ANKMY2: variants seen among roughly 807,000 people sequenced by gnomAD.
ANKMY2 encodes ankyrin repeat and MYND domain-containing protein 2.
A neutral mutation model predicts 50.4 loss-of-function variants in ANKMY2; 36 were observed. That is an observed-to-expected ratio of 0.71 (90% CI 0.55 to 0.94). The LOEUF (loss-of-function observed/expected upper bound fraction) is 0.94, where lower values mean the gene tolerates loss of function less well. ANKMY2 is among the 40% of genes least tolerant of loss of function. ANKMY2 has a pLI of 0.00. For missense variants in ANKMY2, 565 were observed against 524.0 expected, an observed-to-expected ratio of 1.08 and a Z score of -0.76; for synonymous variants, 187 against 178.8, an observed-to-expected ratio of 1.05 and a Z score of -0.36.
chr7:16,614,236 G>T (rs183870792), intron 5 of ANKMY2, among the ~76,000 whole-genome samples: 5 of 152,334 alleles, frequency 3.3e-5, no homozygotes, highest in Admixed American at 2.6e-4. Flanking sequence ...CTGGGAGGGA[G>T]AGAAACAGTA....
At chr7:16,640,477 C>G (rs1011269148) in intron 1 of ANKMY2, among the ~76,000 whole-genome samples, 1 of 152,160 alleles carries the variant, frequency 6.6e-6, no homozygotes, top group Non-Finnish European at 1.5e-5. Context: ...ATCACACAAC[C>G]ATGAGATTCA....
intron 2 of ANKMY2, among the ~76,000 whole-genome samples, chr7:16,628,684 G>T (rs561664406): frequency 1.3e-5 from 2 of 152,132 alleles, no homozygotes; most frequent in African/African-American, 4.8e-5. Flanking sequence ...TGTAGCCTGA[G>T]GGGTGGTAGG....
intron 8 of ANKMY2, 113 bp from the exon 9 acceptor site, chr7:16,602,622 T>A (rs1781089592): frequency 3.0e-6 from 4 of 1,314,296 alleles, no homozygotes; most frequent in Non-Finnish European, 4.1e-6. Flanking sequence ...TACTTTATTT[T>A]AAAACCATAA....
chr7:16,604,796 C>T lies in ANKMY2; in HGVS notation c.936G>A (p.Val312=), dbSNP rs1322636396. ...SVLTQAITGQ[V]GFVDVEFCTT... ...TGCAAAATTCCACATCCACAAAACC[C>T]ACCTGGCCAGTGATGGCTTGGGTAA... Residue 312 remains valine (V), a synonymous_variant, in exon 8 of 10, where the codon GTG becomes GTA. Coordinates refer to ENST00000306999, the MANE Select transcript of ANKMY2 (RefSeq NM_020319.3). 6.2e-7 allele frequency: 1 copy of T among 1,614,068 alleles called. No homozygotes were observed. The highest frequency in any genetic ancestry group is 2.2e-5 in the East Asian group (1 of 44,866).
At chr7:16,626,651 A>T (rs1439578092) in intron 3 of ANKMY2, among the ~76,000 whole-genome samples, 1 of 152,222 alleles carries the variant, frequency 6.6e-6, no homozygotes, top group Non-Finnish European at 1.5e-5. Context: ...TATTTAGTAC[A>T]TAAGTGCCAG....
chr7:16,615,994 T>C (rs62443197), intron 4 of ANKMY2, 90 bp from the exon 5 acceptor site: 94,883 of 1,253,502 alleles, frequency 0.076, 4,680 homozygotes, highest in Non-Finnish European at 0.086. Flanking sequence ...ATTTTTGTGA[T>C]GTAAACATGC....
chr7:16,621,656 A>C (rs1446999725), intron 4 of ANKMY2, among the ~76,000 whole-genome samples: 1 of 152,066 alleles, frequency 6.6e-6, no homozygotes, highest in Non-Finnish European at 1.5e-5. Flanking sequence ...CGGAAGCTAT[A>C]AAAGAAAAAA....
intron 1 of ANKMY2, among the ~76,000 whole-genome samples, chr7:16,642,997 T>C (rs146259014): frequency 2.0e-5 from 3 of 152,242 alleles, no homozygotes; most frequent in African/African-American, 7.2e-5. Flanking sequence ...CTAAGTTTCC[T>C]AACTTCCCAG....
intron 4 of ANKMY2, among the ~76,000 whole-genome samples, chr7:16,616,786 T>A (rs1781360227): frequency 6.6e-6 from 1 of 152,210 alleles, no homozygotes; most frequent in Non-Finnish European, 1.5e-5. Flanking sequence ...TGGCCCCCGC[T>A]CCCGGAGAGT....
chr7:16,622,284 ACAG>A (rs1344108913), intron 4 of ANKMY2, among the ~76,000 whole-genome samples: 5 of 152,236 alleles, frequency 3.3e-5, no homozygotes, highest in African/African-American at 1.2e-4. Context: ...ATTACCAACA[ACAG>A]AAGTGCTTAA....
chr7:16,612,908 A>G (rs1261434436), intron 5 of ANKMY2, among the ~76,000 whole-genome samples: 1 of 152,258 alleles, frequency 6.6e-6, no homozygotes, highest in Admixed American at 6.5e-5. Flanking sequence ...ATTAAAAACT[A>G]GATAAATTTT....
At chr7:16,617,917 GTTTTTTTT>G (rs780533044) in intron 4 of ANKMY2, among the ~76,000 whole-genome samples, 1 of 110,882 alleles carries the variant, frequency 9.0e-6, no homozygotes, top group African/African-American at 3.5e-5. Context: ...CAGTGAGCGT[GTTTTTTTT>G]TTTTTTTTTT....
chr7:16,637,903 T>C (rs1781689693), intron 1 of ANKMY2, among the ~76,000 whole-genome samples: 1 of 152,176 alleles, frequency 6.6e-6, no homozygotes, highest in South Asian at 2.1e-4. Context: ...ACCTGCTACA[T>C]GGGAAGAGTA....
chr7:16,635,515 T>A (rs1781646764), intron 2 of ANKMY2, among the ~76,000 whole-genome samples: 1 of 152,216 alleles, frequency 6.6e-6, no homozygotes, highest in Admixed American at 6.5e-5. Context: ...ATATTAATTA[T>A]ACCTCAATAA....
chr7:16,627,081 T>C lies in ANKMY2; in HGVS notation c.230A>G (p.His77Arg), dbSNP rs920648218. The change falls in exon 3 of 10, where the codon CAT (histidine) becomes CGT (arginine). Residue 77 changes from histidine to arginine, a missense_variant. Coordinates refer to ENST00000306999, the MANE Select transcript of ANKMY2 (RefSeq NM_020319.3). The stretch of plus-strand genomic sequence containing the variant: ...CATGAGGGCTGTGTATCCATGTTCA[T>C]GCTGATGACAATTTACATCGGCTCC... ...RHGADVNCHQ[H>R]EHGYTALMFA... is the part of the protein sequence containing the mutation. 1 of 1,612,082 alleles carries C rather than the reference T, an allele frequency of 6.2e-7. No individual in the cohort carries two copies. Among genetic ancestry groups the C allele is most frequent in the Admixed American group, 1.7e-5 (1 of 59,616 alleles).
At chr7:16,629,142 G>A (rs760318910) in intron 2 of ANKMY2, among the ~76,000 whole-genome samples, 2 of 152,014 alleles carry the variant, frequency 1.3e-5, no homozygotes, top group Non-Finnish European at 2.9e-5. Context: ...AAATTTTCCT[G>A]GCTCTTTTCT....
rs190360470 is a variant in ANKMY2, at chr7:16,621,468, G to C, written c.370+3515C>G. ...TGGTATTTCAATTTAGTAGGAAAATGTTAGCTGGTGTAATAAATGGTGCCA... is the reference window on the plus strand; with the variant it reads ...TGGTATTTCAATTTAGTAGGAAAATCTTAGCTGGTGTAATAAATGGTGCCA... On this transcript the variant is annotated intron_variant, in intron 4 of 9. Coordinates refer to ENST00000306999, the MANE Select transcript of ANKMY2 (RefSeq NM_020319.3). 2.6e-5 allele frequency among the ~76,000 whole-genome samples: 4 copies of C among 152,264 alleles called. No individual in the cohort carries two copies. In the East Asian group the frequency reaches 7.7e-4, roughly 29 times the overall value.
chr7:16,606,485 A>C (rs1298460820), intron 7 of ANKMY2, among the ~76,000 whole-genome samples: 1 of 152,098 alleles, frequency 6.6e-6, no homozygotes, highest in East Asian at 1.9e-4. Flanking sequence ...ATGCTACTAA[A>C]ACCTATTTAG....
chr7:16,615,959 G>T (rs1781339790), intron 4 of ANKMY2, 55 bp from the exon 5 acceptor site: 1 of 1,495,452 alleles, frequency 6.7e-7, no homozygotes, highest in South Asian at 1.3e-5. Flanking sequence ...TAACACATCT[G>T]GTTTTTAAAA....
Sources: gnomAD v4.1 joint callset for allele counts (sites outside exome capture counted in the v4.1 genomes callset) on GRCh38, gnomAD v4.1.1 for gene constraint, MANE v1.5 for transcripts, NCBI Gene and HGNC (gene_info 2026-07-23, HGNC 2026-07-21) for gene names.